The following PAXIP1 variants were observed in gnomAD, a reference collection of about 807,000 sequenced individuals.
PAXIP1 encodes the protein PAX-interacting protein 1.
A neutral mutation model predicts 140.6 loss-of-function variants in PAXIP1; 19 were observed. The ratio of observed to expected loss-of-function variants is 0.14; its 90% CI spans 0.09 to 0.20. PAXIP1 has a LOEUF of 0.20. Among genes scored for constraint, PAXIP1 ranks in the 10% least tolerant of loss-of-function variants. The pLI is 1.00. For synonymous variants in PAXIP1, 442 were observed against 444.6 expected, an observed-to-expected ratio of 0.99 and a Z score of 0.07; for missense variants, 920 against 1,208.6, an observed-to-expected ratio of 0.76 and a Z score of 3.54.
In PAXIP1 at chr7:154,962,327, T is replaced by C. The variant is rs1187328940; in HGVS notation, c.2121A>G (p.Ser707=). Residue 707 remains serine, a synonymous_variant, in exon 10 of 21, where the codon TCA becomes TCG. Transcript: ENST00000404141. ...VAFPPGGKPC[S]QHIISVTGFV... is the part of the protein sequence containing the mutation. The stretch of plus-strand genomic sequence containing the variant: ...CGCGAGGACTCTGTCTTACATGCTG[T>C]GAACATGGCTTTCCTCCTGGTGGGA... 1.2e-6 allele frequency: 2 copies of C among 1,613,746 alleles called. No homozygotes were observed. Among genetic ancestry groups the C allele is most frequent in the Non-Finnish European group, 1.7e-6 (2 of 1,179,814 alleles).
rs780949006 is a variant in PAXIP1, at chr7:154,955,647, A to G, written c.2550-16T>C. 2 of 1,376,110 alleles carry G rather than the reference A, an allele frequency of 1.5e-6. No individual in the cohort carries two copies. The highest frequency in any genetic ancestry group is 2.3e-5 in the Admixed American group (1 of 44,148). The allele number at this position is 1,376,110 out of a possible 1,614,324, so 85.2% of individuals were successfully genotyped here. A position where few individuals can be genotyped will look rare whatever the true frequency, so the allele number is the denominator to read the frequency against. ...GTCTTCAATTCTGTGGAAGAAATAC[A>G]CATAAAATAGTAGTGATTTCATATT... On this transcript the variant is annotated splice_polypyrimidine_tract_variant and intron_variant, in intron 14 of 20. Transcript: ENST00000404141.
At chr7:154,960,244 C>T (rs1356086050) in intron 12 of PAXIP1, among the ~76,000 whole-genome samples, 1 of 152,190 alleles carries the variant, frequency 6.6e-6, no homozygotes, top group Non-Finnish European at 1.5e-5. Context: ...TCTGGGTACA[C>T]ATTTCTAGGC....
chr7:154,967,872 T>C lies in PAXIP1; in HGVS notation c.1837A>G (p.Ile613Val), dbSNP rs754488882. ...GACATCTGCTCTGGATAATCCGCAA[T>C]TGCAAACACACATCCCAATAAGAAG... is the stretch of plus-strand genomic sequence containing the variant. The part of the protein sequence containing the change: ...EGFLLGCVFA[I>V]ADYPEQMSDK... Residue 613 changes from isoleucine (I) to valine (V), a missense_variant, in exon 8 of 21, where the codon ATT becomes GTT. By Grantham distance (29) the Ile-to-Val change is conservative (BLOSUM62 3). Transcript: ENST00000404141. The C allele has an allele frequency of 1.4e-5, 22 of 1,613,602 alleles. No individual in the cohort carries two copies. Among genetic ancestry groups the C allele is most frequent in the African/African-American group, 9.3e-5 (7 of 74,884 alleles).
chr7:154,967,253 C>T (rs1809067031), intron 8 of PAXIP1: 1 of 152,654 alleles, frequency 6.6e-6, no homozygotes, highest in Non-Finnish European at 1.5e-5. Flanking sequence ...TAGTGAAGCA[C>T]ATTCAAGATA....
chr7:154,963,126 G>A lies in PAXIP1; in HGVS notation c.1989+545C>T, dbSNP rs557618766. ...GTACAGAATCCTGCGTCCCTTCACCGTGCACAGAGAGCAGCTGGAATGGTG... is the reference window on the plus strand; with the variant it reads ...GTACAGAATCCTGCGTCCCTTCACCATGCACAGAGAGCAGCTGGAATGGTG... On this transcript the variant is annotated intron_variant, in intron 9 of 20. Transcript: ENST00000404141. The surrounding 1 kb of genome is among the most constrained non-coding windows in gnomAD (Gnocchi z 4.1). Among the ~76,000 whole-genome samples the A allele has an allele frequency of 2.0e-5, 3 of 152,264 alleles. No homozygotes were observed. Among genetic ancestry groups the A allele is most frequent in the Admixed American group, 2.0e-4 (3 of 15,298 alleles).
Position 154,961,607 on chromosome 7 carries a change from G to A in PAXIP1, c.2169C>T (p.Asp723=). 6.2e-7 allele frequency: 1 copy of A among 1,602,732 alleles called. No homozygotes were observed. The highest frequency in any genetic ancestry group is 1.7e-5 in the Admixed American group (1 of 58,812). Residue 723 remains aspartate, a synonymous_variant, in exon 11 of 21, where the codon GAC becomes GAT. Coordinates refer to ENST00000404141, the MANE Select transcript of PAXIP1 (RefSeq NM_007349.4). ...VTGFVDSDRD[D]LKLMAYLAGA... ...CTGCCAAATAAGCCATTAATTTTAG[G>A]TCATCTCTGTCACTATCAACAAATC...
At chr7:154,994,078 C>G (rs1160799107) in intron 2 of PAXIP1, among the ~76,000 whole-genome samples, 1 of 152,148 alleles carries the variant, frequency 6.6e-6, no homozygotes, top group African/African-American at 2.4e-5. Flanking sequence ...TGCCACCCAT[C>G]CTGCCCCACC....
At chr7:154,965,979 A>G (rs765540855) in intron 8 of PAXIP1, among the ~76,000 whole-genome samples, 7 of 152,138 alleles carry the variant, frequency 4.6e-5, no homozygotes, top group Non-Finnish European at 8.8e-5. Flanking sequence ...CTCGACACCT[A>G]CTTTCTCATC....
At chr7:154,959,990 CT>C in intron 12 of PAXIP1, 57 bp from the exon 13 acceptor site, 2 of 1,175,930 alleles carry the variant, frequency 1.7e-6, no homozygotes, top group South Asian at 1.2e-5. Flanking sequence ...ATAAAAAGGC[CT>C]TTTTATAAAA....
intron 11 of PAXIP1, 85 bp from the exon 12 acceptor site, chr7:154,961,162 C>A: frequency 8.8e-7 from 1 of 1,140,262 alleles, no homozygotes; most frequent in South Asian, 1.7e-5. Context: ...CAACAAAAGG[C>A]AATAAAAAAT....
intron 16 of PAXIP1, chr7:154,951,312 A>C (rs1340814066): frequency 6.6e-6 from 1 of 152,342 alleles, no homozygotes; most frequent in Non-Finnish European, 1.5e-5. Context: ...ACTATGACCC[A>C]AATGTCAATG....
At chr7:154,981,446 A>C (rs1482669907) in intron 5 of PAXIP1, among the ~76,000 whole-genome samples, 1 of 152,206 alleles carries the variant, frequency 6.6e-6, no homozygotes, top group Non-Finnish European at 1.5e-5. Flanking sequence ...GGAAAAGCAA[A>C]AAAAGAGTTA....
Position 154,995,928 on chromosome 7 carries a change from T to C in PAXIP1, c.217-2159A>G, listed in dbSNP as rs142148701. Among the ~76,000 whole-genome samples the C allele has an allele frequency of 7.2e-3, 1,097 of 152,340 alleles. 15 individuals carry two copies. Among genetic ancestry groups the C allele is most frequent in the African/African-American group, 0.025 (1,045 of 41,578 alleles). ...AAGGCCACTGAGAAAAATATCTCAA[T>C]TTAAAAAATAATTTTAAAAGTTTTG... On this transcript the variant is annotated intron_variant, in intron 2 of 20. Coordinates refer to ENST00000404141, the MANE Select transcript of PAXIP1 (RefSeq NM_007349.4).
At chr7:154,969,247 C>T (rs1284979927) in intron 6 of PAXIP1, 121 bp from the exon 7 acceptor site, 1 of 1,043,390 alleles carries the variant, frequency 9.6e-7, no homozygotes, top group Non-Finnish European at 1.3e-6. Context: ...GTAGACACAG[C>T]AAATGATTGG....
rs573296386 is a variant in PAXIP1 at position 154,956,607 on chromosome 7, T to A, written c.2549+617A>T. The stretch of plus-strand genomic sequence containing the variant: ...CGACATGACACTAAAATGATATGCA[T>A]CTCAATCTGCATACTCCAAGCCAAA... On this transcript the variant is annotated intron_variant, in intron 14 of 20. Transcript: ENST00000404141. This position sits in a 1 kb window ranked among gnomAD's most constrained non-coding sequence, Gnocchi z 4.2. The A allele has an allele frequency of 6.6e-6, 1 of 152,344 alleles. No homozygotes were observed. The highest frequency in any genetic ancestry group is 1.5e-5 in the Non-Finnish European group (1 of 68,064). 9.4% of individuals were successfully genotyped at this position (152,344 alleles called of 1,614,324 possible).
intron 16 of PAXIP1, chr7:154,949,899 A>G (rs988475006): frequency 1.3e-5 from 2 of 152,108 alleles, no homozygotes; most frequent in African/African-American, 2.4e-5. Context: ...ACTGGGTGAG[A>G]CTCTGTCTTA....
At chr7:154,992,522 G>A (rs1319276349) in intron 3 of PAXIP1, among the ~76,000 whole-genome samples, 1 of 151,716 alleles carries the variant, frequency 6.6e-6, no homozygotes, top group South Asian at 2.1e-4. Context: ...TTGAACCCAG[G>A]AGGCAGAAGT....
rs1808866034 is a variant in PAXIP1, at chr7:154,963,584, C to A, written c.1989+87G>T. 2 of 912,532 alleles carry A rather than the reference C, an allele frequency of 2.2e-6. No individual in the cohort carries two copies. Among genetic ancestry groups the A allele is most frequent in the Non-Finnish European group, 3.4e-6 (2 of 581,214 alleles). 56.5% of individuals were successfully genotyped at this position (912,532 alleles called of 1,614,324 possible). A position where few individuals can be genotyped will look rare whatever the true frequency, so the allele number is the denominator to read the frequency against. On this transcript the variant is annotated intron_variant, in intron 9 of 20. Transcript: ENST00000404141. This position sits in a 1 kb window ranked among gnomAD's most constrained non-coding sequence, Gnocchi z 4.1. ...CTTTAGAGGTAGAAAAAAGTTCTTT[C>A]CAAAAATAATAATCACTAGCATTTA...
chr7:154,961,354 T>G (rs1186592284), intron 11 of PAXIP1, among the ~76,000 whole-genome samples, 173 bp downstream of exon 11: 2 of 152,224 alleles, frequency 1.3e-5, no homozygotes, highest in Non-Finnish European at 2.9e-5. Flanking sequence ...AATTCAAATG[T>G]TTTCTAGGTA....
Sources: gnomAD v4.1 joint callset for allele counts (sites outside exome capture counted in the v4.1 genomes callset) on GRCh38, gnomAD v4.1.1 for gene constraint, Gnocchi (gnomAD v3.1) non-coding constraint, MANE v1.5 for transcripts, NCBI Gene and HGNC (gene_info 2026-07-23, HGNC 2026-07-21) for gene names.